The following GDAP1 variants were observed in gnomAD, a reference collection of about 807,000 sequenced individuals.
The protein encoded by GDAP1 is ganglioside-induced differentiation-associated protein 1.
Under a neutral mutation model 40.1 loss-of-function variants are expected in GDAP1, and 34 were observed. The observed-to-expected ratio is 0.85, with a 90% CI of 0.64 to 1.13. The LOEUF (loss-of-function observed/expected upper bound fraction) is 1.13. GDAP1 is among the 50% of genes most tolerant of loss of function. The pLI is 0.00. For missense variants in GDAP1, 374 were observed against 433.7 expected, an observed-to-expected ratio of 0.86 and a Z score of 1.22; for synonymous variants, 170 against 157.4, an observed-to-expected ratio of 1.08 and a Z score of -0.60.
rs1421075979 is a variant in GDAP1, at chr8:74,364,906, T to G, written c.*539T>G. 1 of 454,132 alleles carries G rather than the reference T, an allele frequency of 2.2e-6. No homozygotes were observed. The highest frequency in any genetic ancestry group is 1.6e-5 in the South Asian group (1 of 64,478). 28.1% of individuals were successfully genotyped at this position (454,132 alleles called of 1,614,324 possible). On this transcript the variant is annotated 3_prime_UTR_variant, in exon 6 of 6. Coordinates refer to ENST00000220822, the MANE Select transcript of GDAP1 (RefSeq NM_018972.4). ...TGCTTATATACTAGAAATTTGATGCTCATTGGAACACATCTGCCTAGCATT... is the reference window on the plus strand; with the variant it reads ...TGCTTATATACTAGAAATTTGATGCGCATTGGAACACATCTGCCTAGCATT...
chr8:74,470,742 G>A (rs1806541629), intron 2 of GDAP1, among the ~76,000 whole-genome samples: 1 of 152,208 alleles, frequency 6.6e-6, no homozygotes, highest in South Asian at 2.1e-4. Flanking sequence ...ATAGCAGCAT[G>A]ATTTATAATC....
intron 2 of GDAP1, among the ~76,000 whole-genome samples, chr8:74,458,588 T>C (rs1172860782): frequency 6.6e-6 from 1 of 152,164 alleles, no homozygotes; most frequent in Non-Finnish European, 1.5e-5. Flanking sequence ...CTTTGATGAA[T>C]TGTGTTTGTT....
intron 2 of GDAP1, among the ~76,000 whole-genome samples, chr8:74,454,508 C>T (rs527670973): frequency 1.2e-5 from 1 of 83,332 alleles, no homozygotes; most frequent in Non-Finnish European, 2.4e-5. Flanking sequence ...GAAAGCAGAT[C>T]GCATATGAAA....
At chr8:74,362,314 C>A (rs535324327) in intron 4 of GDAP1, among the ~76,000 whole-genome samples, 1 of 152,282 alleles carries the variant, frequency 6.6e-6, no homozygotes, top group African/African-American at 2.4e-5. Context: ...CCATGTGTCG[C>A]CCTGACTTGC....
At chr8:74,442,720 A>G (rs1459580272) in intron 2 of GDAP1, among the ~76,000 whole-genome samples, 3 of 152,180 alleles carry the variant, frequency 2.0e-5, no homozygotes, top group African/African-American at 7.2e-5. Context: ...AGGAGAGCAA[A>G]TGTAAAGACT....
intron 2 of GDAP1, among the ~76,000 whole-genome samples, chr8:74,469,297 T>C (rs2131583308): frequency 6.6e-6 from 1 of 152,324 alleles, no homozygotes. Flanking sequence ...AGGATTTTTT[T>C]CCTTTTTAAT....
At chr8:74,449,856 T>C (rs896712777) in intron 2 of GDAP1, among the ~76,000 whole-genome samples, 1 of 151,730 alleles carries the variant, frequency 6.6e-6, no homozygotes, top group African/African-American at 2.4e-5. Flanking sequence ...TTGCCAAGAG[T>C]TTAATTTTAA....
At chr8:74,471,013 A>AT (rs1213747894) in intron 2 of GDAP1, among the ~76,000 whole-genome samples, 4 of 152,024 alleles carry the variant, frequency 2.6e-5, no homozygotes, top group African/African-American at 9.7e-5. Context: ...GATGATGAGC[A>AT]TTTTTTCATG....
chr8:74,398,640 A>G (rs987650556), intron 2 of GDAP1, among the ~76,000 whole-genome samples: 3 of 152,154 alleles, frequency 2.0e-5, no homozygotes, highest in African/African-American at 7.2e-5. Flanking sequence ...TTTCAAAGGG[A>G]GTGCTTCCAG....
chr8:74,366,256 GTGTT>G lies in GDAP1; in HGVS notation c.*1895_*1898del, dbSNP rs1246196615. The G allele has an allele frequency of 2.2e-6, 1 of 454,124 alleles. No individual in the cohort carries two copies. The highest frequency in any genetic ancestry group is 6.9e-5 in the East Asian group (1 of 14,398). The allele number at this position is 454,124 out of a possible 1,614,324, so 28.1% of individuals were successfully genotyped here. A position where few individuals can be genotyped will look rare whatever the true frequency, so the allele number is the denominator to read the frequency against. Reference sequence around the variant, plus strand: ...GGATACTTGAGTTTGTGCTTTTAAGGTGTTTGTTTAGGGATACAATGACCACTAG... The same window carrying G: ...GGATACTTGAGTTTGTGCTTTTAAGGTGTTTAGGGATACAATGACCACTAG... On this transcript the variant is annotated 3_prime_UTR_variant, in exon 6 of 6. Transcript: ENST00000220822.
chr8:74,436,395 C>T (rs1344403282), intron 2 of GDAP1, among the ~76,000 whole-genome samples: 1 of 148,532 alleles, frequency 6.7e-6, no homozygotes, highest in Admixed American at 6.8e-5. Flanking sequence ...ATCCTTGAAA[C>T]TTTTCCTTCC....
chr8:74,355,318 C>T (rs1175945453), intron 2 of GDAP1, among the ~76,000 whole-genome samples: 2 of 152,152 alleles, frequency 1.3e-5, no homozygotes. Flanking sequence ...GTATAGGGTC[C>T]TGGGATACTT....
chr8:74,351,720 C>A (rs1240373199), intron 2 of GDAP1, among the ~76,000 whole-genome samples: 2 of 152,064 alleles, frequency 1.3e-5, no homozygotes, highest in African/African-American at 4.8e-5. Flanking sequence ...TAAAAAAATT[C>A]ACTTGCAAAA....
intron 2 of GDAP1, among the ~76,000 whole-genome samples, chr8:74,373,555 G>A (rs777225664): frequency 5.9e-5 from 9 of 152,158 alleles, no homozygotes; most frequent in Non-Finnish European, 1.2e-4. Context: ...TTGGCTCTCT[G>A]TTCGTCTGTT....
chr8:74,408,963 T>A (rs1291115925), intron 2 of GDAP1, among the ~76,000 whole-genome samples: 1 of 149,954 alleles, frequency 6.7e-6, no homozygotes, highest in East Asian at 1.9e-4. Context: ...CTGGAGTGGG[T>A]CTTTGTAGAG....
At chr8:74,447,716 C>G (rs1047414988) in intron 2 of GDAP1, among the ~76,000 whole-genome samples, 48 of 152,154 alleles carry the variant, frequency 3.2e-4, no homozygotes, top group Non-Finnish European at 6.5e-4. Flanking sequence ...TACGATGCCC[C>G]ACATGGGGCC....
At chr8:74,479,078 G>A (rs1285780970) in intron 2 of GDAP1, among the ~76,000 whole-genome samples, 1 of 152,134 alleles carries the variant, frequency 6.6e-6, no homozygotes, top group African/African-American at 2.4e-5. Flanking sequence ...TCCTGATTGA[G>A]TTTAGTCAGC....
At chr8:74,432,452 C>G (rs893740268) in intron 2 of GDAP1, among the ~76,000 whole-genome samples, 6 of 152,050 alleles carry the variant, frequency 3.9e-5, no homozygotes, top group Non-Finnish European at 1.5e-5. Flanking sequence ...ATAAGCTTCC[C>G]AGTATTTAGT....
intron 2 of GDAP1, among the ~76,000 whole-genome samples, chr8:74,420,191 A>G (rs62523878): frequency 0.54 from 82,133 of 152,000 alleles, 23,557 homozygotes; most frequent in Non-Finnish European, 0.63. Flanking sequence ...TCTGCAAGAA[A>G]AGGCTATTGG....
Sources: gnomAD v4.1 joint callset for allele counts (sites outside exome capture counted in the v4.1 genomes callset) on GRCh38, gnomAD v4.1.1 for gene constraint, MANE v1.5 for transcripts, NCBI Gene and HGNC (gene_info 2026-07-23, HGNC 2026-07-21) for gene names.